The following USP43 variants were observed in gnomAD, a reference collection of about 807,000 sequenced individuals.
USP43 encodes ubiquitin specific peptidase 43.
In USP43, 33 loss-of-function variants were observed where a neutral mutation model predicts 90.7. That is an observed-to-expected ratio of 0.36 (90% CI 0.28 to 0.49). The LOEUF (loss-of-function observed/expected upper bound fraction) is 0.49. USP43 is among the 20% of genes least tolerant of loss of function. USP43 has a pLI of 0.98. For missense variants in USP43, 1,274 were observed against 1,476.4 expected, an observed-to-expected ratio of 0.86 and a Z score of 2.25; for synonymous variants, 598 against 615.8, an observed-to-expected ratio of 0.97 and a Z score of 0.43.
At chr17:9,646,847 T>G (rs1911440730) in intron 1 of USP43, among the ~76,000 whole-genome samples, 1 of 151,914 alleles carries the variant, frequency 6.6e-6, no homozygotes, top group Non-Finnish European at 1.5e-5. Context: ...AGCATCCTTT[T>G]GTTTAAGGCG....
chr17:9,674,200 G>T lies in USP43; in HGVS notation c.741-691G>T, dbSNP rs760751723. 6.6e-6 allele frequency among the ~76,000 whole-genome samples: 1 copy of T among 152,008 alleles called. No homozygotes were observed. Among genetic ancestry groups the T allele is most frequent in the East Asian group, 1.9e-4 (1 of 5,178 alleles). On this transcript the variant is annotated intron_variant, in intron 3 of 14. Transcript: ENST00000285199. This position sits in a 1 kb window ranked among gnomAD's most constrained non-coding sequence, Gnocchi z 4.4. ...TGCTGGGTTTGTATGGCAGGGGCGG[G>T]TTATAGCTTCCCTTCCCATACTCAG...
intron 12 of USP43, among the ~76,000 whole-genome samples, chr17:9,708,077 T>C (rs1915986084): frequency 7.0e-6 from 1 of 142,196 alleles, no homozygotes; most frequent in Non-Finnish European, 1.5e-5. Flanking sequence ...ATGGGATGAA[T>C]TGCATTATGA....
rs1398007979 is a variant in USP43, at chr17:9,678,847, T to A, written c.970-1384T>A. Among the ~76,000 whole-genome samples, 5 of 152,038 alleles carry A rather than the reference T, an allele frequency of 3.3e-5. No homozygotes were observed. The East Asian group carries it at 9.7e-4, about 29-fold the overall frequency. ...ATCCAGAAGATGTACTTCATGTACA[T>A]GTCAATATGTATATGTAAATATAAT... is the stretch of plus-strand genomic sequence containing the variant. On this transcript the variant is annotated intron_variant, in intron 5 of 14. Transcript: ENST00000285199.
At chr17:9,716,064 T>C (rs1278652448) in intron 14 of USP43, among the ~76,000 whole-genome samples, 1 of 150,564 alleles carries the variant, frequency 6.6e-6, no homozygotes, top group Non-Finnish European at 1.5e-5. Flanking sequence ...AGTGTGCTTG[T>C]GTGTGTATTG....
chr17:9,701,593 C>G lies in USP43; in HGVS notation c.1904C>G (p.Ser635Cys). Residue 635 changes from serine (S) to cysteine (C), a missense_variant, in exon 12 of 15, where the codon TCC (serine) becomes TGC (cysteine). Physicochemically the swap from Ser to Cys is moderately radical, Grantham distance 112. Coordinates refer to ENST00000285199, the MANE Select transcript of USP43 (RefSeq NM_153210.5). This position sits in a 1 kb window ranked among gnomAD's most constrained non-coding sequence, Gnocchi z 7.2. ...GAGGCAGGACTGGGCCCCTGGCCTTCCTGGAAGCAGCCGGACTGCCTGCCC... is the reference window on the plus strand; with the variant it reads ...GAGGCAGGACTGGGCCCCTGGCCTTGCTGGAAGCAGCCGGACTGCCTGCCC... ...SPEAGLGPWP[S>C]WKQPDCLPTS... 1 of 1,577,446 alleles carries G rather than the reference C, an allele frequency of 6.3e-7. No individual in the cohort carries two copies. Among genetic ancestry groups the G allele is most frequent in the East Asian group, 2.3e-5 (1 of 42,802 alleles).
chr17:9,647,182 C>A (rs1209833801), intron 1 of USP43: 6 of 152,016 alleles, frequency 3.9e-5, no homozygotes, highest in Admixed American at 3.3e-4. Flanking sequence ...AGGGGGAAAC[C>A]TGTCAGTGTT....
intron 3 of USP43, among the ~76,000 whole-genome samples, chr17:9,673,661 G>A (rs368028965): frequency 6.6e-6 from 1 of 152,156 alleles, no homozygotes; most frequent in African/African-American, 2.4e-5. Context: ...ACGAAAGAAC[G>A]CAGGAATGAT....
At chr17:9,677,490 C>G (rs1291522143) in intron 5 of USP43, among the ~76,000 whole-genome samples, 1 of 152,224 alleles carries the variant, frequency 6.6e-6, no homozygotes. Context: ...CTGGCGGAAG[C>G]TGGGATGGCT....
At position 9,686,475 on chromosome 17, in the gene USP43, T is replaced by C. The variant is rs527273114; in HGVS notation, c.1242-323T>C. Among the ~76,000 whole-genome samples, 4 of 152,332 alleles carry C rather than the reference T, an allele frequency of 2.6e-5. No homozygotes were observed. In the South Asian group the frequency reaches 8.3e-4, roughly 32 times the overall value. On this transcript the variant is annotated intron_variant, in intron 7 of 14. Coordinates refer to ENST00000285199, the MANE Select transcript of USP43 (RefSeq NM_153210.5). The surrounding 1 kb of genome is among the most constrained non-coding windows in gnomAD (Gnocchi z 5.5). ...TATCCTCACCAGCATTTGTTATTTCTTGTCTTTTTGATAATAGCCATCCTA... is the reference window on the plus strand; with the variant it reads ...TATCCTCACCAGCATTTGTTATTTCCTGTCTTTTTGATAATAGCCATCCTA...
intron 14 of USP43, among the ~76,000 whole-genome samples, chr17:9,726,711 C>G (rs1917292085): frequency 6.6e-6 from 1 of 152,174 alleles, no homozygotes; most frequent in Admixed American, 6.5e-5. Flanking sequence ...TCAGGGGACA[C>G]AAACCTTCAG....
upstream of USP43, chr17:9,645,408 A>T (rs891343541): frequency 1.4e-5 from 4 of 284,258 alleles, no homozygotes; most frequent in East Asian, 2.1e-4. The surrounding 1 kb of genome is among the most constrained non-coding windows in gnomAD (Gnocchi z 6.8). Context: ...GGCACCAGGC[A>T]GGGGTAGGGG....
chr17:9,678,642 T>C lies in USP43; in HGVS notation c.970-1589T>C, dbSNP rs544532758. Among the ~76,000 whole-genome samples the C allele has an allele frequency of 1.6e-3, 245 of 152,272 alleles. 3 individuals are homozygous for C. Among genetic ancestry groups the C allele is most frequent in the African/African-American group, 5.8e-3 (239 of 41,556 alleles). ...GGCGTGAGCCACTGCGCCCGGCCTGTATTTGGATTTATTTATGTCATCTTA... is the reference window on the plus strand; with the variant it reads ...GGCGTGAGCCACTGCGCCCGGCCTGCATTTGGATTTATTTATGTCATCTTA... On this transcript the variant is annotated intron_variant, in intron 5 of 14. Coordinates refer to ENST00000285199, the MANE Select transcript of USP43 (RefSeq NM_153210.5).
chr17:9,652,942 C>A (rs1302074319), intron 1 of USP43, among the ~76,000 whole-genome samples: 1 of 152,018 alleles, frequency 6.6e-6, no homozygotes, highest in Non-Finnish European at 1.5e-5. Context: ...TGTATTTTTG[C>A]ATTTTTTCTT....
Position 9,645,657 on chromosome 17 carries a change from G to A in USP43, c.25G>A (p.Ala9Thr). The A allele has an allele frequency of 1.6e-6, 2 of 1,246,420 alleles. No individual in the cohort carries two copies. The highest frequency in any genetic ancestry group is 3.1e-5 in the South Asian group (1 of 32,378). The allele number at this position is 1,246,420 out of a possible 1,614,324, so 77.2% of individuals were successfully genotyped here. The change falls in exon 1 of 15, where the codon GCA becomes ACA. Residue 9 changes from alanine to threonine, a missense_variant. By Grantham distance (58) the Ala-to-Thr change is moderately conservative (BLOSUM62 0). Around this residue, in one of 6 missense-constraint regions of USP43, gnomAD observed 112 missense variants for 106.6 expected, o/e 1.05. Coordinates refer to ENST00000285199, the MANE Select transcript of USP43 (RefSeq NM_153210.5). The surrounding 1 kb of genome is among the most constrained non-coding windows in gnomAD (Gnocchi z 6.8). ...CATGGACCTGGGCCCCGGGGACGCG[G>A]CAGGAGGGGGACCGCTCGCGCCCCG... is the stretch of plus-strand genomic sequence containing the variant. MDLGPGDA[A>T]GGGPLAPRPR...
At chr17:9,651,539 CA>C (rs1339337488) in intron 1 of USP43, among the ~76,000 whole-genome samples, 1 of 152,180 alleles carries the variant, frequency 6.6e-6, no homozygotes, top group African/African-American at 2.4e-5. Context: ...ATATTTGCTA[CA>C]AATATTTTCT....
At chr17:9,719,325 G>A (rs1597894024) in intron 14 of USP43, among the ~76,000 whole-genome samples, 2 of 152,132 alleles carry the variant, frequency 1.3e-5, no homozygotes, top group South Asian at 4.1e-4. Context: ...GATGGTCCAA[G>A]TTTTTCACAT....
At chr17:9,690,498 A>G (rs886647381) in intron 8 of USP43, among the ~76,000 whole-genome samples, 1 of 152,216 alleles carries the variant, frequency 6.6e-6, no homozygotes, top group Non-Finnish European at 1.5e-5. Flanking sequence ...TTGTATCACC[A>G]TCACTACTAT....
chr17:9,676,203 G>A (rs901839053), intron 4 of USP43, among the ~76,000 whole-genome samples: 8 of 151,994 alleles, frequency 5.3e-5, no homozygotes, highest in East Asian at 1.9e-4. Flanking sequence ...CCTTGAGATC[G>A]GACATCTCTA....
At chr17:9,720,583 G>C (rs1284870577) in intron 14 of USP43, among the ~76,000 whole-genome samples, 49 of 151,864 alleles carry the variant, frequency 3.2e-4, no homozygotes, top group Non-Finnish European at 7.4e-5. Context: ...CTGCCTCCCA[G>C]GTTCAAGCAA....
Sources: allele counts gnomAD v4.1 joint callset (sites outside exome capture counted in the v4.1 genomes callset), GRCh38; gene constraint gnomAD v4.1.1; regional missense constraint gnomAD v4.1.1; non-coding constraint Gnocchi (gnomAD v3.1); transcripts MANE v1.5; gene names NCBI Gene and HGNC (gene_info 2026-07-23, HGNC 2026-07-21).